Variants in TMEM232 observed in about 807,000 individuals in gnomAD.
TMEM232 encodes transmembrane protein 232.
In TMEM232, 80 loss-of-function variants were observed where a neutral mutation model predicts 78.8. The ratio of observed to expected loss-of-function variants is 1.01; its 90% confidence interval spans 0.85 to 1.22. The LOEUF is 1.22. Ranked by LOEUF, TMEM232 falls within the 50% of genes most tolerant of loss-of-function variation. The pLI, the probability that TMEM232 is intolerant of heterozygous loss-of-function variation, is 0.00. For missense variants in TMEM232, 881 were observed against 742.2 expected, an observed-to-expected ratio of 1.19 and a Z score of -2.17; for synonymous variants, 297 against 254.3, an observed-to-expected ratio of 1.17 and a Z score of -1.60.
chr5:110,414,424 C>T (rs1756112129), intron 2 of TMEM232, among the ~76,000 whole-genome samples: 1 of 152,144 alleles, frequency 6.6e-6, no homozygotes, highest in Admixed American at 6.6e-5. Flanking sequence ...ATGTTTAGAA[C>T]ATATATCTCT....
chr5:110,486,751 T>C (rs1304259969), intron 12 of TMEM232, among the ~76,000 whole-genome samples: 2 of 152,168 alleles, frequency 1.3e-5, no homozygotes, highest in Non-Finnish European at 2.9e-5. Flanking sequence ...GGTAGTGTGA[T>C]GCCTCCAGAT....
At chr5:110,447,390 A>G (rs1170206762) in intron 12 of TMEM232, among the ~76,000 whole-genome samples, 2 of 152,060 alleles carry the variant, frequency 1.3e-5, no homozygotes, top group African/African-American at 4.8e-5. Context: ...ACCTAGCTGC[A>G]CATCTAAGTA....
chr5:110,530,108 A>G (rs1001356668), intron 11 of TMEM232, among the ~76,000 whole-genome samples: 2 of 152,206 alleles, frequency 1.3e-5, no homozygotes, highest in Non-Finnish European at 2.9e-5. Context: ...TCAGGTTCCA[A>G]AATTAGGCCT....
At chr5:110,426,975 A>G (rs538145594) in intron 12 of TMEM232, among the ~76,000 whole-genome samples, 275 of 152,140 alleles carry the variant, frequency 1.8e-3, no homozygotes, top group African/African-American at 6.2e-3. Context: ...AGGCAACATA[A>G]TATCAAAAGA....
chr5:110,510,747 C>G (rs964200310), intron 12 of TMEM232, among the ~76,000 whole-genome samples: 2 of 152,090 alleles, frequency 1.3e-5, no homozygotes, highest in African/African-American at 4.8e-5. Context: ...CAATAATATA[C>G]CATCTCATGC....
intron 1 of TMEM232, among the ~76,000 whole-genome samples, chr5:110,669,025 A>C (rs142663472): frequency 0.012 from 1,781 of 152,326 alleles, 44 homozygotes; most frequent in African/African-American, 0.04. Context: ...AAGAGAAAGC[A>C]GGAAAGATCT....
rs1225014450 is a variant in TMEM232, at chr5:110,667,046, CG to C, written c.125+181del. Among the ~76,000 whole-genome samples the C allele has an allele frequency of 1.4e-4, 22 of 151,908 alleles. No homozygotes were observed. In the South Asian group the frequency reaches 4.1e-3, roughly 29 times the overall value. ...GTATAGATAATTATTTCAAACAAAA[CG>C]TGTAGAATTCAAAATTTTAGAAAGC... On this transcript the variant is annotated intron_variant, in intron 2 of 13. Transcript: ENST00000455884.
chr5:110,484,145 A>AATCT (rs1224592416), intron 12 of TMEM232, among the ~76,000 whole-genome samples: 1 of 152,048 alleles, frequency 6.6e-6, no homozygotes, highest in Non-Finnish European at 1.5e-5. Context: ...AAAACAATAG[A>AATCT]TACTGGAGAT....
chr5:110,546,892 T>C (rs1421137089), intron 11 of TMEM232, among the ~76,000 whole-genome samples: 1 of 151,948 alleles, frequency 6.6e-6, no homozygotes, highest in Non-Finnish European at 1.5e-5. Context: ...TATAAGAACA[T>C]TTAGAAATAA....
intron 12 of TMEM232, among the ~76,000 whole-genome samples, chr5:110,475,445 ATTTTTT>A (rs61667699): frequency 2.8e-4 from 31 of 110,150 alleles, no homozygotes; most frequent in African/African-American, 6.4e-4. Flanking sequence ...TTATACTTTG[ATTTTTT>A]TTTTTTTTTT....
chr5:110,659,255 T>C (rs1341587555), intron 2 of TMEM232, among the ~76,000 whole-genome samples: 2 of 151,954 alleles, frequency 1.3e-5, no homozygotes, highest in Non-Finnish European at 2.9e-5. Context: ...TCTTGCAAGA[T>C]CCCCTCTTCC....
chr5:110,415,358 T>C (rs559871168), downstream of TMEM232, among the ~76,000 whole-genome samples: 1 of 152,004 alleles, frequency 6.6e-6, no homozygotes. Flanking sequence ...TGGCTAATTT[T>C]TTTGTATTTT....
intron 3 of TMEM232, among the ~76,000 whole-genome samples, chr5:110,392,255 G>C (rs1170551717): frequency 6.6e-6 from 1 of 152,172 alleles, no homozygotes; most frequent in East Asian, 1.9e-4. Context: ...TGGGAGGAAG[G>C]AGAAGAGTGA....
intron 1 of TMEM232, among the ~76,000 whole-genome samples, chr5:110,718,486 T>C (rs969694412): frequency 3.9e-5 from 6 of 152,136 alleles, no homozygotes; most frequent in Non-Finnish European, 8.8e-5. Context: ...GTTCTTTGTA[T>C]GTGATGAGTC....
chr5:110,548,568 A>T (rs2149604259), intron 11 of TMEM232, among the ~76,000 whole-genome samples: 1 of 151,932 alleles, frequency 6.6e-6, no homozygotes, highest in South Asian at 2.1e-4. Context: ...AAAAAAACAA[A>T]ATCTTTTCCC....
intron 7 of TMEM232, among the ~76,000 whole-genome samples, chr5:110,620,858 CTTTTTTTTTTT>C (rs558332663): frequency 2.3e-5 from 2 of 87,450 alleles, no homozygotes; most frequent in Non-Finnish European, 4.2e-5. Flanking sequence ...ATTTCAAGCG[CTTTTTTTTTTT>C]TTTTTTTTTT....
intron 13 of TMEM232, among the ~76,000 whole-genome samples, chr5:110,422,062 A>ATACTC (rs1391168995): frequency 1.3e-5 from 2 of 152,192 alleles, no homozygotes; most frequent in Non-Finnish European, 2.9e-5. Flanking sequence ...AAGTTCTATG[A>ATACTC]TACTCAACTA....
intron 10 of TMEM232, among the ~76,000 whole-genome samples, chr5:110,592,879 GT>G (rs1779695827): frequency 6.6e-6 from 1 of 152,088 alleles, no homozygotes; most frequent in African/African-American, 2.4e-5. Context: ...TGACACAATG[GT>G]ATTCAGAATC....
chr5:110,447,052 C>CCAAAGTGAGACAGGCACCAGG (rs1237046618), intron 12 of TMEM232, among the ~76,000 whole-genome samples: 1 of 151,348 alleles, frequency 6.6e-6, no homozygotes, highest in Non-Finnish European at 1.5e-5. Context: ...AACTGTGCTC[C>CCAAAGTGAGACAGGCACCAGG]CAAAGTGAGA....
Sources: allele counts gnomAD v4.1 joint callset (sites outside exome capture counted in the v4.1 genomes callset), GRCh38; gene constraint gnomAD v4.1.1; transcripts MANE v1.5; gene names NCBI Gene and HGNC (gene_info 2026-07-23, HGNC 2026-07-21).